The following KLF12 variants were observed in gnomAD, a reference collection of about 807,000 sequenced individuals.
The protein encoded by KLF12 is Krueppel-like factor 12.
In KLF12, 9 loss-of-function variants were observed where a neutral mutation model predicts 37.8. That is an observed-to-expected ratio of 0.24 (90% CI 0.14 to 0.42). The LOEUF (loss-of-function observed/expected upper bound fraction) is 0.42, where lower values mean the gene tolerates loss of function less well. Among genes scored for constraint, KLF12 ranks in the 10% least tolerant of loss-of-function variants. The pLI is 1.00. For synonymous variants in KLF12, 208 were observed against 202.1 expected (o/e 1.03, Z -0.25); for missense variants, 411 against 516.0 (o/e 0.80, Z 1.97).
At chr13:74,076,778 T>G (rs1475298158) in intron 1 of KLF12, among the ~76,000 whole-genome samples, 1 of 152,202 alleles carries the variant, frequency 6.6e-6, no homozygotes, top group Non-Finnish European at 1.5e-5. Context: ...TTACTCTTTC[T>G]GCTCCTCTCC....
intron 1 of KLF12, among the ~76,000 whole-genome samples, chr13:74,045,370 G>T (rs551872927): frequency 5.8e-4 from 89 of 152,216 alleles, no homozygotes; most frequent in African/African-American, 2.1e-3. Flanking sequence ...GACGAATCTC[G>T]ACTGAGAGAC....
intron 3 of KLF12, among the ~76,000 whole-genome samples, chr13:73,938,934 A>G (rs1345169786): frequency 1.3e-5 from 2 of 152,232 alleles, no homozygotes; most frequent in Non-Finnish European, 2.9e-5. Context: ...AAGAGGCATC[A>G]GGCTCGCTTC....
At chr13:74,159,397 A>C in the KLF12 span, among the ~76,000 whole-genome samples, 1 of 152,252 alleles carries the variant, frequency 6.6e-6, no homozygotes, top group African/African-American at 2.4e-5. Context: ...TCCTATCAGG[A>C]TGACCTGATC....
chr13:74,184,669 G>T, the KLF12 span, among the ~76,000 whole-genome samples: 7 of 152,270 alleles, frequency 4.6e-5, no homozygotes, highest in South Asian at 1.4e-3. Flanking sequence ...ATGTATGCAA[G>T]CTCAGTGCAA....
rs1878121933 is a variant in KLF12, at chr13:73,743,135, A to T, written c.869+21803T>A. 3.3e-5 allele frequency among the ~76,000 whole-genome samples: 5 copies of T among 152,338 alleles called. No homozygotes were observed. The South Asian group carries it at 1.0e-3, about 32-fold the overall frequency. ...TTAAAGCAAGAGTTGCCGCAAAGGC[A>T]GCTGAAAGCAGCATGTAACATATCA... On this transcript the variant is annotated intron_variant, in intron 6 of 7. Transcript: ENST00000377669.
At chr13:74,233,681 A>C in the KLF12 span, among the ~76,000 whole-genome samples, 2 of 152,190 alleles carry the variant, frequency 1.3e-5, no homozygotes, top group Non-Finnish European at 2.9e-5. Context: ...TTAATCTCAA[A>C]TCTAGAATAT....
At chr13:74,202,913 A>C in the KLF12 span, among the ~76,000 whole-genome samples, 1 of 152,146 alleles carries the variant, frequency 6.6e-6, no homozygotes, top group Admixed American at 6.6e-5. Context: ...GGGTGGGTGC[A>C]GTAGGCAGCA....
intron 2 of KLF12, among the ~76,000 whole-genome samples, chr13:73,994,466 C>T (rs575013144): frequency 1.1e-4 from 9 of 79,676 alleles, no homozygotes; most frequent in African/African-American, 2.6e-4. Flanking sequence ...ATTCACAGCG[C>T]CCCCCCCACC....
chr13:73,847,334 G>A (rs548655772), intron 3 of KLF12, among the ~76,000 whole-genome samples: 63 of 152,078 alleles, frequency 4.1e-4, no homozygotes, highest in African/African-American at 1.3e-3. Context: ...CCATTTATGA[G>A]GAACAAAAAC....
At chr13:74,260,117 G>A in the KLF12 span, 1 of 152,040 alleles carries the variant, frequency 6.6e-6, no homozygotes, top group East Asian at 1.9e-4. Flanking sequence ...CAAAATGTTA[G>A]TAAACTAAAT....
chr13:74,103,725 G>GACAAATTCACATA (rs1381760495), intron 1 of KLF12, among the ~76,000 whole-genome samples: 9 of 152,112 alleles, frequency 5.9e-5, no homozygotes, highest in Non-Finnish European at 1.3e-4. Context: ...ACAACTTCCA[G>GACAAATTCACATA]GTCACTATGA....
At chr13:73,933,658 T>G (rs1471838492) in intron 3 of KLF12, among the ~76,000 whole-genome samples, 3 of 152,140 alleles carry the variant, frequency 2.0e-5, no homozygotes, top group Non-Finnish European at 4.4e-5. Context: ...AGGAAGGCCA[T>G]ATACTCACAC....
intron 4 of KLF12, among the ~76,000 whole-genome samples, chr13:73,842,095 C>A (rs1884767705): frequency 6.6e-6 from 1 of 152,172 alleles, no homozygotes. Context: ...CATTTTCACA[C>A]TTCTCAGGAA....
chr13:74,213,554 T>C, the KLF12 span, among the ~76,000 whole-genome samples: 1 of 152,020 alleles, frequency 6.6e-6, no homozygotes, highest in African/African-American at 2.4e-5. Context: ...ATGAAATACA[T>C]GGATGAAAAC....
intron 3 of KLF12, among the ~76,000 whole-genome samples, chr13:73,892,687 T>A (rs1295870004): frequency 6.6e-6 from 1 of 152,180 alleles, no homozygotes; most frequent in Admixed American, 6.5e-5. Flanking sequence ...GGCATAGAGT[T>A]ATGGATTGCT....
At chr13:73,751,725 G>T (rs1878767803) in intron 6 of KLF12, among the ~76,000 whole-genome samples, 1 of 152,138 alleles carries the variant, frequency 6.6e-6, no homozygotes, top group Non-Finnish European at 1.5e-5. Context: ...GTGGAAGAAA[G>T]ACATCAGGGT....
intron 1 of KLF12, among the ~76,000 whole-genome samples, chr13:74,016,865 A>C (rs931213208): frequency 6.6e-6 from 1 of 152,218 alleles, no homozygotes; most frequent in African/African-American, 2.4e-5. Context: ...TGTAAACTGG[A>C]AACAATCCAA....
chr13:73,925,716 T>C (rs142306771), intron 3 of KLF12, among the ~76,000 whole-genome samples: 1 of 152,278 alleles, frequency 6.6e-6, no homozygotes, highest in East Asian at 1.9e-4. Context: ...ACAAAGTAAA[T>C]TGATAACTTT....
chr13:73,899,956 A>G (rs1331026399), intron 3 of KLF12, among the ~76,000 whole-genome samples: 1 of 152,202 alleles, frequency 6.6e-6, no homozygotes, highest in Admixed American at 6.5e-5. Flanking sequence ...TATATGTTGT[A>G]TCCTATCGGT....
Sources: allele counts gnomAD v4.1 joint callset (sites outside exome capture counted in the v4.1 genomes callset), GRCh38; gene constraint gnomAD v4.1.1; transcripts MANE v1.5; gene names NCBI Gene and HGNC (gene_info 2026-07-23, HGNC 2026-07-21).